The following KIRREL1 variants were observed in gnomAD, a reference collection of about 807,000 sequenced individuals.
KIRREL1 encodes kin of IRRE-like protein 1.
In KIRREL1, 25 loss-of-function variants were observed where a neutral mutation model predicts 83.3. The observed-to-expected ratio is 0.30, with a 90% CI of 0.22 to 0.42. The LOEUF is 0.42. Ranked by LOEUF, KIRREL1 falls within the 10% of genes least tolerant of loss-of-function variation. KIRREL1 has a pLI of 1.00. For synonymous variants in KIRREL1, 388 were observed against 410.4 expected (o/e 0.95, Z 0.66); for missense variants, 812 against 1,032.3 (o/e 0.79, Z 2.92).
intron 3 of KIRREL1, among the ~76,000 whole-genome samples, chr1:158,080,833 A>G (rs1166045624): frequency 6.6e-6 from 1 of 152,214 alleles, no homozygotes; most frequent in African/African-American, 2.4e-5. Flanking sequence ...CACGGAGGCA[A>G]TAAGAAGGCA....
At chr1:158,011,740 G>T (rs1481421295) in intron 1 of KIRREL1, among the ~76,000 whole-genome samples, 2 of 152,178 alleles carry the variant, frequency 1.3e-5, no homozygotes, top group African/African-American at 2.4e-5. Flanking sequence ...TGCCAGCTGT[G>T]GAGAGGTGAT....
In KIRREL1 at chr1:158,094,706, G is replaced by A; in HGVS notation, c.1860G>A (p.Val620=). 2.5e-6 allele frequency: 4 copies of A among 1,612,296 alleles called. No homozygotes were observed. Among genetic ancestry groups the A allele is most frequent in the Non-Finnish European group, 2.5e-6 (3 of 1,179,954 alleles). The stretch of plus-strand genomic sequence containing the variant: ...AAGACCGCCCGTCTTCCAGGGCAGT[G>A]CTCTATGCTGACTACCGTGCCCCTG... ...AHEDRPSSRA[V]LYADYRAPGP... Residue 620 remains valine (V), a synonymous_variant, in exon 15 of 15, where the codon GTG becomes GTA. Transcript: ENST00000359209. This position sits in a 1 kb window ranked among gnomAD's most constrained non-coding sequence, Gnocchi z 4.6.
chr1:158,040,078 G>A (rs554590860), intron 1 of KIRREL1, among the ~76,000 whole-genome samples: 3 of 152,294 alleles, frequency 2.0e-5, no homozygotes, highest in African/African-American at 4.8e-5. Flanking sequence ...TTTTTCCTTT[G>A]CACAAATTGT....
chr1:158,094,373 G>C lies in KIRREL1; in HGVS notation c.1780G>C (p.Glu594Gln). The C allele has an allele frequency of 6.2e-7, 1 of 1,612,842 alleles. No individual in the cohort carries two copies. Among genetic ancestry groups the C allele is most frequent in the South Asian group, 1.1e-5 (1 of 90,556 alleles). Residue 594 changes from glutamate to glutamine, a missense_variant, in exon 14 of 15, where the codon GAG becomes CAG. Coordinates refer to ENST00000359209, the MANE Select transcript of KIRREL1 (RefSeq NM_018240.7). The surrounding 1 kb of genome is among the most constrained non-coding windows in gnomAD (Gnocchi z 4.6). The stretch of plus-strand genomic sequence containing the variant: ...GCGCTGCGACACCATCGACACCCGG[G>C]AGGAGTATGAGATGAAGGTGGGAAA... ...DLRCDTIDTREEYEMKDPTNG... is the reference protein window; with the variant it reads ...DLRCDTIDTRQEYEMKDPTNG...
At chr1:158,089,009 G>A (rs1015708421) in intron 8 of KIRREL1, among the ~76,000 whole-genome samples, 1 of 152,030 alleles carries the variant, frequency 6.6e-6, no homozygotes, top group Non-Finnish European at 1.5e-5. Context: ...GGGAGGAAGG[G>A]AGAGGGCCTG....
At chr1:158,066,448 C>A (rs1661360831) in intron 1 of KIRREL1, among the ~76,000 whole-genome samples, 1 of 152,240 alleles carries the variant, frequency 6.6e-6, no homozygotes, top group Admixed American at 6.5e-5. Context: ...TCTCTTTTAT[C>A]TCCTTTGCTC....
At chr1:158,049,155 A>G (rs1472811050) in intron 1 of KIRREL1, among the ~76,000 whole-genome samples, 1 of 152,258 alleles carries the variant, frequency 6.6e-6, no homozygotes, top group South Asian at 2.1e-4. Context: ...ATTCAGTTCA[A>G]TTCTGCAAAT....
chr1:158,071,377 C>A (rs542904659), intron 1 of KIRREL1, among the ~76,000 whole-genome samples: 2 of 152,298 alleles, frequency 1.3e-5, no homozygotes, highest in East Asian at 3.9e-4. Flanking sequence ...TGTGAGTGTG[C>A]GTGCCCTGGC....
intron 1 of KIRREL1, among the ~76,000 whole-genome samples, chr1:158,046,748 CG>C (rs1660788733): frequency 6.6e-6 from 1 of 151,926 alleles, no homozygotes. Context: ...AAGATGAGGA[CG>C]AAGATGAGGG....
chr1:158,035,318 G>A (rs1258771544), intron 1 of KIRREL1, among the ~76,000 whole-genome samples: 2 of 152,218 alleles, frequency 1.3e-5, no homozygotes, highest in Non-Finnish European at 2.9e-5. Context: ...GTATGCTGAT[G>A]TAAAGTTGCG....
chr1:158,063,103 G>A (rs1297906361), intron 1 of KIRREL1, among the ~76,000 whole-genome samples: 2 of 152,082 alleles, frequency 1.3e-5, no homozygotes, highest in East Asian at 1.9e-4. Flanking sequence ...TCTGGCTGTC[G>A]AAATATTTCT....
In KIRREL1 at chr1:158,094,485, G is replaced by C; in HGVS notation, c.1797+95G>C. The C allele has an allele frequency of 1.5e-6, 2 of 1,374,612 alleles. No homozygotes were observed. Among genetic ancestry groups the C allele is most frequent in the Non-Finnish European group, 2.1e-6 (2 of 967,154 alleles). 85.2% of individuals were successfully genotyped at this position (1,374,612 alleles called of 1,614,324 possible). A position where few individuals can be genotyped will look rare whatever the true frequency, so the allele number is the denominator to read the frequency against. On this transcript the variant is annotated intron_variant, in intron 14 of 14. Coordinates refer to ENST00000359209, the MANE Select transcript of KIRREL1 (RefSeq NM_018240.7). The surrounding 1 kb of genome is among the most constrained non-coding windows in gnomAD (Gnocchi z 4.6). ...GGAGGTGAGGTGAGGACAGACTTGG[G>C]GAGGAGTGGTTGGGAGGGTTTTTGA...
At chr1:158,035,445 A>G (rs1660449634) in intron 1 of KIRREL1, among the ~76,000 whole-genome samples, 1 of 152,230 alleles carries the variant, frequency 6.6e-6, no homozygotes. Context: ...CTTGCCCTGA[A>G]CAGTAGAAGG....
chr1:158,034,410 A>G (rs1311067082), intron 1 of KIRREL1, among the ~76,000 whole-genome samples: 5 of 151,780 alleles, frequency 3.3e-5, no homozygotes, highest in African/African-American at 2.4e-5. Context: ...GGCATTCTTT[A>G]TATCTCTGAA....
chr1:158,091,546 G>A lies in KIRREL1; in HGVS notation c.1461G>A (p.Leu487=), dbSNP rs1347135760. Residue 487 remains leucine, a synonymous_variant, in exon 11 of 15, where the codon CTG becomes CTA. Transcript: ENST00000359209. The part of the protein sequence containing the change: ...SFGPGTAIIQ[L]EEREVLPVGI... ...GGCCAGGCACAGCCATCATCCAGCT[G>A]GAAGAGCGAGGTGACTGGTAGTGCT... The A allele has an allele frequency of 9.9e-6, 16 of 1,614,032 alleles. No homozygotes were observed. The highest frequency in any genetic ancestry group is 2.2e-5 in the East Asian group (1 of 44,896).
At chr1:158,079,309 TTTGG>T (rs552562690) in intron 3 of KIRREL1, among the ~76,000 whole-genome samples, 3 of 152,052 alleles carry the variant, frequency 2.0e-5, no homozygotes, top group African/African-American at 4.8e-5. Context: ...CTGTTGTTTG[TTTGG>T]TTGGTTGGTT....
At chr1:158,033,990 A>C (rs1660399976) in intron 1 of KIRREL1, among the ~76,000 whole-genome samples, 1 of 148,752 alleles carries the variant, frequency 6.7e-6, no homozygotes, top group Non-Finnish European at 1.5e-5. Context: ...AAAAAAAAAG[A>C]AGGCTGGGCG....
At chr1:158,076,995 T>G (rs887904252) in intron 2 of KIRREL1, among the ~76,000 whole-genome samples, 1 of 152,224 alleles carries the variant, frequency 6.6e-6, no homozygotes, top group African/African-American at 2.4e-5. Flanking sequence ...ATTTACTGTG[T>G]GAAGCAGGCA....
intron 1 of KIRREL1, among the ~76,000 whole-genome samples, chr1:158,071,521 G>A (rs758917977): frequency 1.2e-4 from 19 of 152,214 alleles, no homozygotes; most frequent in Admixed American, 8.5e-4. Context: ...TAAAACATAC[G>A]CGCAGAATCT....
Sources: gnomAD v4.1 joint callset for allele counts (sites outside exome capture counted in the v4.1 genomes callset) on GRCh38, gnomAD v4.1.1 for gene constraint, Gnocchi (gnomAD v3.1) non-coding constraint, MANE v1.5 for transcripts, NCBI Gene and HGNC (gene_info 2026-07-23, HGNC 2026-07-21) for gene names.